Variants in STAC2 observed in about 807,000 individuals in gnomAD.
STAC2 encodes the protein SH3 and cysteine rich domain 2, also known as SH3 and cysteine-rich domain-containing protein 2.
Under a neutral mutation model 49.0 loss-of-function variants are expected in STAC2, and 36 were observed. That is an observed-to-expected ratio of 0.74 (90% CI 0.56 to 0.97). The LOEUF is 0.97. STAC2 is among the 50% of genes least tolerant of loss of function. The probability of loss-of-function intolerance (pLI) is 0.00; values close to 1 mark genes in which losing one functional copy is unlikely to be tolerated. For missense variants in STAC2, 527 were observed against 543.8 expected (o/e 0.97, Z 0.31); for synonymous variants, 239 against 214.7 (o/e 1.11, Z -0.99).
intron 7 of STAC2, 83 bp from the exon 8 acceptor site, chr17:39,214,413 T>C: frequency 1.3e-6 from 2 of 1,587,862 alleles, no homozygotes; most frequent in Non-Finnish European, 1.7e-6. Context: ...TGTGCTACCC[T>C]GGGGGCTGTG....
intron 9 of STAC2, 128 bp downstream of exon 9, chr17:39,213,379 C>T: frequency 7.7e-7 from 1 of 1,307,030 alleles, no homozygotes. Flanking sequence ...CTAGTTTTGG[C>T]TGGGACCAGT....
rs370572107 is a variant in STAC2 at position 39,214,767 on chromosome 17, G to A, written c.843+24C>T. 4.6e-5 allele frequency: 74 copies of A among 1,612,086 alleles called. 1 individual carries two copies. In the South Asian group the frequency reaches 5.3e-4, roughly 12 times the overall value. On this transcript the variant is annotated intron_variant, in intron 7 of 10. Coordinates refer to ENST00000333461, the MANE Select transcript of STAC2 (RefSeq NM_198993.5). ...CACCCGCTTCCCACCCTGACCTTCC[G>A]GGCCAATGCCAGTACAGGCTCACCT...
intron 7 of STAC2, 35 bp downstream of exon 7, chr17:39,214,756 C>T: frequency 6.2e-7 from 1 of 1,610,774 alleles, no homozygotes; most frequent in Non-Finnish European, 8.5e-7. Context: ...CGCTTCCCAC[C>T]CTGACCTTCC....
rs762766234 is a variant in STAC2 at position 39,214,226 on chromosome 17, G to A, written c.941+7C>T. 3.7e-6 allele frequency: 6 copies of A among 1,613,670 alleles called. No homozygotes were observed. In the Admixed American group the frequency reaches 8.3e-5, roughly 22 times the overall value. On this transcript the variant is annotated splice_region_variant and intron_variant, in intron 8 of 10. Transcript: ENST00000333461. ...CCCAGCGGGGCCAGGTCACAAAGAG[G>A]ACTTACTGCAGAGCCAGATCATTGT... is the stretch of plus-strand genomic sequence containing the variant.
intron 7 of STAC2, 198 bp from the exon 8 acceptor site, chr17:39,214,528 G>A: frequency 6.7e-6 from 6 of 892,144 alleles, no homozygotes; most frequent in Non-Finnish European, 8.1e-6. Context: ...GGAGAGGGGA[G>A]CCCCCTTCTG....
At chr17:39,217,245 G>A in intron 2 of STAC2, 72 bp from the exon 3 acceptor site, 1 of 1,459,268 alleles carries the variant, frequency 6.9e-7, no homozygotes. Flanking sequence ...CACATTAGGG[G>A]ATGAGGAGAG....
intron 8 of STAC2, 110 bp from the exon 9 acceptor site, chr17:39,213,668 GA>G: frequency 4.7e-6 from 3 of 639,826 alleles, no homozygotes; most frequent in East Asian, 3.3e-5. Flanking sequence ...TGGGAGAGAC[GA>G]TTCTTTTTTT....
chr17:39,214,887 A>G (rs746812632), intron 6 of STAC2, 26 bp from the exon 7 acceptor site: 31 of 1,613,798 alleles, frequency 1.9e-5, no homozygotes, highest in Non-Finnish European at 2.5e-5. Context: ...GGAAAGGGTG[A>G]GAGGCAGCAG....
chr17:39,217,722 C>CA (rs541508154), intron 2 of STAC2, 145 bp downstream of exon 2: 52,660 of 592,576 alleles, frequency 0.089, 4 homozygotes, highest in East Asian at 0.11. Context: ...GACTCTGTCT[C>CA]AAAAAAAAAA....
chr17:39,218,951 C>T (rs1022029949), intron 1 of STAC2, among the ~76,000 whole-genome samples: 6 of 152,108 alleles, frequency 3.9e-5, no homozygotes, highest in Non-Finnish European at 8.8e-5. Context: ...TGATTCTCCC[C>T]GACAGAAAGT....
chr17:39,224,491 A>G (rs1406249973), intron 1 of STAC2, among the ~76,000 whole-genome samples: 1 of 152,190 alleles, frequency 6.6e-6, no homozygotes, highest in African/African-American at 2.4e-5. Context: ...CAGACGGATT[A>G]GAGGTCGGGG....
chr17:39,216,685 C>T, intron 4 of STAC2, 125 bp downstream of exon 4: 1 of 886,222 alleles, frequency 1.1e-6, no homozygotes, highest in Non-Finnish European at 1.7e-6. Context: ...TCACTGCAAC[C>T]TCCGCCTCCT....
In STAC2 at chr17:39,212,325, G is replaced by A. The variant is rs1289009663; in HGVS notation, c.1203C>T (p.Gly401=). The A allele has an allele frequency of 6.2e-7, 1 of 1,612,118 alleles. No homozygotes were observed. The highest frequency in any genetic ancestry group is 8.5e-7 in the Non-Finnish European group (1 of 1,179,088). Residue 401 remains glycine, a synonymous_variant, in exon 11 of 11, where the codon GGC becomes GGT. Transcript: ENST00000333461. ...CAGTCAGGGCGTCGACTGGCACCAG[G>A]CCCCGCTTCTTGCCACTGCTGACGC... ...FIRVSSGKKR[G]LVPVDALTEI is the part of the protein sequence containing the mutation.
chr17:39,225,427 G>T lies in STAC2; in HGVS notation c.76C>A (p.Leu26Ile). The change falls in exon 1 of 11, where the codon CTC becomes ATC. Residue 26 changes from leucine (L) to isoleucine (I), a missense_variant. By Grantham distance (5) the Leu-to-Ile change is conservative. Coordinates refer to ENST00000333461, the MANE Select transcript of STAC2 (RefSeq NM_198993.5). This position sits in a 1 kb window ranked among gnomAD's most constrained non-coding sequence, Gnocchi z 8.2. ...THSPPGTVSA[L>I]QETKLQRFKR... ...CCCCAAGTTACCTTGGTTTCCTGGAGGGCGGAGACGGTCCCTGGGGGGCTG... is the reference window on the plus strand; with the variant it reads ...CCCCAAGTTACCTTGGTTTCCTGGATGGCGGAGACGGTCCCTGGGGGGCTG... 2 of 1,605,418 alleles carry T rather than the reference G, an allele frequency of 1.2e-6. No homozygotes were observed. Among genetic ancestry groups the T allele is most frequent in the Non-Finnish European group, 1.7e-6 (2 of 1,177,398 alleles).
intron 7 of STAC2, 43 bp downstream of exon 7, chr17:39,214,748 C>T: frequency 6.2e-7 from 1 of 1,606,832 alleles, no homozygotes; most frequent in Non-Finnish European, 8.5e-7. Context: ...ATTACACCCG[C>T]TTCCCACCCT....
chr17:39,216,836 G>A lies in STAC2; in HGVS notation c.560C>T (p.Ala187Val). 1 of 1,599,804 alleles carries A rather than the reference G, an allele frequency of 6.3e-7. No individual in the cohort carries two copies. Among genetic ancestry groups the A allele is most frequent in the Non-Finnish European group, 8.5e-7 (1 of 1,173,372 alleles). Residue 187 changes from alanine (A) to valine (V), a missense_variant, in exon 4 of 11, where the codon GCC becomes GTC. Transcript: ENST00000333461. ...LLVHEPPPVC[A>V]TSKESPPTGD... The stretch of plus-strand genomic sequence containing the variant: ...AGTGGGTGGGGACTCTTTGCTTGTG[G>A]CACAGACTGGTGGCGGCTCATGCAC...
At chr17:39,215,367 G>T (rs954192627) in intron 4 of STAC2, 137 bp from the exon 5 acceptor site, 4 of 839,954 alleles carry the variant, frequency 4.8e-6, no homozygotes, top group Non-Finnish European at 7.6e-6. Flanking sequence ...CCCAGAGATG[G>T]CTCTGGGTCC....
Position 39,225,576 on chromosome 17 carries a change from G to A in STAC2, c.-74C>T, listed in dbSNP as rs1597740164. On this transcript the variant is annotated 5_prime_UTR_variant, in exon 1 of 11. Coordinates refer to ENST00000333461, the MANE Select transcript of STAC2 (RefSeq NM_198993.5). This position sits in a 1 kb window ranked among gnomAD's most constrained non-coding sequence, Gnocchi z 8.2. ...ACCGCGGGCAGGCTGCGGGTGGCGG[G>A]CGTCTCCGGGACTCTGAAGCCGTTC... 1 of 1,414,806 alleles carries A rather than the reference G, an allele frequency of 7.1e-7. No homozygotes were observed. 87.6% of individuals were successfully genotyped at this position (1,414,806 alleles called of 1,614,324 possible).
chr17:39,217,928 G>A lies in STAC2; in HGVS notation c.336C>T (p.Ser112=). The change falls in exon 2 of 11, where the codon AGC becomes AGT. Residue 112 remains serine, a synonymous_variant. Coordinates refer to ENST00000333461, the MANE Select transcript of STAC2 (RefSeq NM_198993.5). ...LAALKPVRLH[S]FQEHVFKRAS... ...CTCGCTTGAAGACATGTTCCTGGAA[G>A]CTGTGCAGCCTCACTGGTTTGAGCG... is the stretch of plus-strand genomic sequence containing the variant. The A allele has an allele frequency of 1.2e-6, 2 of 1,605,162 alleles. No individual in the cohort carries two copies. Among genetic ancestry groups the A allele is most frequent in the Non-Finnish European group, 1.7e-6 (2 of 1,176,366 alleles).
Sources: gnomAD v4.1 joint callset for allele counts (sites outside exome capture counted in the v4.1 genomes callset) on GRCh38, gnomAD v4.1.1 for gene constraint, Gnocchi (gnomAD v3.1) non-coding constraint, MANE v1.5 for transcripts, NCBI Gene and HGNC (gene_info 2026-07-23, HGNC 2026-07-21) for gene names.